The following LAPTM4B variants were observed in gnomAD, a reference collection of about 807,000 sequenced individuals.
LAPTM4B encodes lysosomal-associated transmembrane protein 4B.
A neutral mutation model predicts 28.5 loss-of-function variants in LAPTM4B; 26 were observed. That is an observed-to-expected ratio of 0.91 (90% CI 0.67 to 1.27). LAPTM4B has a LOEUF of 1.27. Among genes scored for constraint, LAPTM4B ranks in the 50% most tolerant of loss-of-function variants. The pLI, the probability that LAPTM4B is intolerant of heterozygous loss-of-function variation, is 0.00. For synonymous variants in LAPTM4B, 109 were observed against 106.4 expected, an observed-to-expected ratio of 1.02 and a Z score of -0.15; for missense variants, 288 against 285.8, an observed-to-expected ratio of 1.01 and a Z score of -0.06.
At position 97,827,854 on chromosome 8, in the gene LAPTM4B, C is replaced by CG. The variant is rs1157223194; in HGVS notation, c.603+2704dup. ...AGTTACAGTTAGGGGCCGTTTATTG[C>CG]GGGCAGGGGAAGGGGTCACAGGCGG... On this transcript the variant is annotated intron_variant, in intron 6 of 6. Transcript: ENST00000521545. Among the ~76,000 whole-genome samples the CG allele has an allele frequency of 5.3e-5, 8 of 151,872 alleles. No individual in the cohort carries two copies. The South Asian group carries it at 1.7e-3, about 32-fold the overall frequency.
At chr8:97,822,759 T>C (rs2129808149) in intron 5 of LAPTM4B, among the ~76,000 whole-genome samples, 1 of 152,286 alleles carries the variant, frequency 6.6e-6, no homozygotes, top group South Asian at 2.1e-4. Context: ...ATGAGATATT[T>C]TGATACAGTG....
rs147438509 is a variant in LAPTM4B at position 97,791,593 on chromosome 8, C to T, written c.100-13760C>T. On this transcript the variant is annotated intron_variant, in intron 1 of 6. Coordinates refer to ENST00000521545, the MANE Select transcript of LAPTM4B (RefSeq NM_018407.6). ...CCCCTTGTCAGATTGGGAGTGCTGT[C>T]TGGAGCACTCCCTTGAAAGGAATTT... Among the ~76,000 whole-genome samples, 3 of 152,228 alleles carry T rather than the reference C, an allele frequency of 2.0e-5. No individual in the cohort carries two copies. In the East Asian group the frequency reaches 5.8e-4, roughly 29 times the overall value.
At chr8:97,808,803 A>T (rs1478857517) in intron 2 of LAPTM4B, among the ~76,000 whole-genome samples, 1 of 152,056 alleles carries the variant, frequency 6.6e-6, no homozygotes, top group Non-Finnish European at 1.5e-5. Flanking sequence ...TACTAAAAAT[A>T]CAAAAAAAGT....
At chr8:97,785,557 A>G (rs565248413) in intron 1 of LAPTM4B, among the ~76,000 whole-genome samples, 10 of 152,326 alleles carry the variant, frequency 6.6e-5, no homozygotes, top group African/African-American at 2.4e-4. Context: ...AGGCTTGAGG[A>G]TTGCAACCCC....
intron 2 of LAPTM4B, among the ~76,000 whole-genome samples, chr8:97,806,890 G>A (rs1245312751): frequency 2.6e-5 from 4 of 152,094 alleles, no homozygotes; most frequent in East Asian, 1.9e-4. Context: ...CCCAGGTGGC[G>A]GAGGTTGCAG....
intron 6 of LAPTM4B, among the ~76,000 whole-genome samples, chr8:97,832,246 C>T (rs916509784): frequency 5.3e-5 from 8 of 152,126 alleles, no homozygotes; most frequent in African/African-American, 1.7e-4. Flanking sequence ...ATCAAAATAG[C>T]TACACTTTTC....
intron 5 of LAPTM4B, among the ~76,000 whole-genome samples, chr8:97,822,820 G>A (rs1415984464): frequency 6.7e-6 from 1 of 150,020 alleles, no homozygotes; most frequent in African/African-American, 2.4e-5. Flanking sequence ...TAAGCATTTA[G>A]TCATACTCTT....
chr8:97,795,859 A>AG (rs58460584), intron 1 of LAPTM4B, among the ~76,000 whole-genome samples: 1 of 149,910 alleles, frequency 6.7e-6, no homozygotes, highest in Non-Finnish European at 1.5e-5. Flanking sequence ...AAAAAAAAAA[A>AG]GATCTAACAC....
chr8:97,788,529 T>A (rs1816443180), intron 1 of LAPTM4B, among the ~76,000 whole-genome samples: 1 of 152,050 alleles, frequency 6.6e-6, no homozygotes, highest in Non-Finnish European at 1.5e-5. Context: ...GGTTAACAGG[T>A]ATGAGCCACC....
At chr8:97,834,346 A>G (rs1817229993) in intron 6 of LAPTM4B, among the ~76,000 whole-genome samples, 1 of 152,136 alleles carries the variant, frequency 6.6e-6, no homozygotes. Context: ...TGAAAAGTAC[A>G]ACCATTTTGA....
chr8:97,816,186 T>G lies in LAPTM4B; in HGVS notation c.408+6T>G. ...AGGAATACATACGGCAACTGGTACG[T>G]GGACCTCTTACTGCTCCTTTTCATT... On this transcript the variant is annotated splice_donor_region_variant and intron_variant, in intron 4 of 6. Coordinates refer to ENST00000521545, the MANE Select transcript of LAPTM4B (RefSeq NM_018407.6). 1.2e-6 allele frequency: 2 copies of G among 1,605,936 alleles called. No individual in the cohort carries two copies. Among genetic ancestry groups the G allele is most frequent in the Non-Finnish European group, 1.7e-6 (2 of 1,175,696 alleles).
chr8:97,804,166 G>A (rs888161859), intron 1 of LAPTM4B, among the ~76,000 whole-genome samples: 5 of 152,150 alleles, frequency 3.3e-5, no homozygotes, highest in Non-Finnish European at 5.9e-5. Flanking sequence ...GATTGCTTGA[G>A]CCCAGGAGTT....
chr8:97,817,883 C>G (rs1816946685), intron 4 of LAPTM4B, among the ~76,000 whole-genome samples: 3 of 152,062 alleles, frequency 2.0e-5, no homozygotes, highest in African/African-American at 4.8e-5. Flanking sequence ...AGCCACCATG[C>G]CCAGCCTGCA....
chr8:97,805,830 G>A (rs1816750089), intron 2 of LAPTM4B, among the ~76,000 whole-genome samples: 1 of 152,114 alleles, frequency 6.6e-6, no homozygotes, highest in Admixed American at 6.6e-5. Context: ...TATTCTAGGA[G>A]TGATCCTTTT....
chr8:97,795,488 C>G (rs911589755), intron 1 of LAPTM4B, among the ~76,000 whole-genome samples: 1 of 152,104 alleles, frequency 6.6e-6, no homozygotes, highest in Non-Finnish European at 1.5e-5. Context: ...AGCAAAGACC[C>G]CTGTATCTTA....
Position 97,819,129 on chromosome 8 carries a change from T to C in LAPTM4B, c.409-11T>C, listed in dbSNP as rs376240467. On this transcript the variant is annotated splice_polypyrimidine_tract_variant and intron_variant, in intron 4 of 6. Transcript: ENST00000521545. The stretch of plus-strand genomic sequence containing the variant: ...AATGAGATTTGCTAATGAGGCCCTT[T>C]TCTTTTGCAGCCTCCTAATTTTCCC... 1.3e-5 allele frequency: 21 copies of C among 1,564,438 alleles called. No individual in the cohort carries two copies. The Admixed American group carries it at 3.3e-4, about 25-fold the overall frequency.
At chr8:97,805,096 G>T (rs188951730) in intron 1 of LAPTM4B, among the ~76,000 whole-genome samples, 1 of 152,288 alleles carries the variant, frequency 6.6e-6, no homozygotes, top group African/African-American at 2.4e-5. Flanking sequence ...TGGGCCAGGG[G>T]GAATGAGGTA....
chr8:97,778,709 C>G (rs149918876), intron 1 of LAPTM4B, among the ~76,000 whole-genome samples: 1 of 152,072 alleles, frequency 6.6e-6, no homozygotes, highest in Non-Finnish European at 1.5e-5. Flanking sequence ...GTCCTTTTAA[C>G]TTTTTGCCTA....
chr8:97,791,738 G>A lies in LAPTM4B; in HGVS notation c.100-13615G>A, dbSNP rs181086129. ...AGCGTATATGGCATTTGTAATCAAA[G>A]CACCAACAATTGAATGTCAGTTGAA... On this transcript the variant is annotated intron_variant, in intron 1 of 6. Transcript: ENST00000521545. 4.8e-3 allele frequency among the ~76,000 whole-genome samples: 726 copies of A among 152,294 alleles called. 2 individuals carry two copies. Among genetic ancestry groups the A allele is most frequent in the Middle Eastern group, 0.017 (5 of 294 alleles).
Sources: gnomAD v4.1 joint callset for allele counts (sites outside exome capture counted in the v4.1 genomes callset) on GRCh38, gnomAD v4.1.1 for gene constraint, MANE v1.5 for transcripts, NCBI Gene and HGNC (gene_info 2026-07-23, HGNC 2026-07-21) for gene names.